The following ENTPD1 variants were observed in gnomAD, a reference collection of about 807,000 sequenced individuals.
The protein encoded by ENTPD1 is ATP diphosphohydrolase.
A neutral mutation model predicts 57.0 loss-of-function variants in ENTPD1; 33 were observed. The observed-to-expected ratio is 0.58, with a 90% CI of 0.44 to 0.77. The LOEUF is 0.77. ENTPD1 is among the 30% of genes least tolerant of loss of function. The pLI, the probability that ENTPD1 is intolerant of heterozygous loss-of-function variation, is 0.00. For missense variants in ENTPD1, 501 were observed against 603.4 expected (o/e 0.83, Z 1.78); for synonymous variants, 202 against 218.8 (o/e 0.92, Z 0.68).
At chr10:95,829,667 C>T (rs1726962799) in intron 2 of ENTPD1, among the ~76,000 whole-genome samples, 1 of 151,974 alleles carries the variant, frequency 6.6e-6, no homozygotes. Flanking sequence ...CTATGGAAGC[C>T]CAGAGAAAGA....
intron 1 of ENTPD1, among the ~76,000 whole-genome samples, chr10:95,736,827 AC>A (rs1220417393): frequency 1.3e-5 from 2 of 152,182 alleles, no homozygotes; most frequent in Non-Finnish European, 2.9e-5. Flanking sequence ...AAAAATATAA[AC>A]TTCAGCTCTT....
At chr10:95,785,925 G>A (rs1251276689) in intron 1 of ENTPD1, among the ~76,000 whole-genome samples, 2 of 152,188 alleles carry the variant, frequency 1.3e-5, no homozygotes, top group Non-Finnish European at 2.9e-5. Flanking sequence ...TAACAAATGG[G>A]GAAGAGGATG....
intron 9 of ENTPD1, 23 bp downstream of exon 9, chr10:95,864,884 T>TG: frequency 6.3e-7 from 1 of 1,591,434 alleles, no homozygotes; most frequent in Non-Finnish European, 8.6e-7. Context: ...CCTGTTGGGC[T>TG]GGGGGGAGGT....
At position 95,868,480 on chromosome 10, in the gene ENTPD1, T is replaced by G; in HGVS notation, c.*2097T>G. On this transcript the variant is annotated 3_prime_UTR_variant, in exon 10 of 10. Transcript: ENST00000371205. ...CTAATTTTAATGTTTGCTCACAGCA[T>G]AGTAGATTGACATCAAATAGTGGCC... 1.3e-5 allele frequency: 13 copies of G among 985,440 alleles called. No homozygotes were observed. The highest frequency in any genetic ancestry group is 1.6e-5 in the Non-Finnish European group (13 of 829,930). The allele number at this position is 985,440 out of a possible 1,614,324, so 61.0% of individuals were successfully genotyped here.
chr10:95,762,470 A>G (rs1335410830), intron 1 of ENTPD1, among the ~76,000 whole-genome samples: 2 of 150,842 alleles, frequency 1.3e-5, no homozygotes, highest in African/African-American at 4.9e-5. Context: ...AAAAGTTATG[A>G]GATGGCACCA....
intron 1 of ENTPD1, among the ~76,000 whole-genome samples, chr10:95,779,224 AT>A (rs1555285586): frequency 2.0e-5 from 3 of 152,114 alleles, no homozygotes; most frequent in Non-Finnish European, 4.4e-5. Context: ...ATCCTCTCCC[AT>A]TTCTACATCT....
At chr10:95,719,915 G>A (rs1043881952) in intron 1 of ENTPD1, among the ~76,000 whole-genome samples, 1 of 152,188 alleles carries the variant, frequency 6.6e-6, no homozygotes, top group Admixed American at 6.5e-5. Flanking sequence ...GCATCCTTAA[G>A]GTCCAGGACT....
the ENTPD1 span, among the ~76,000 whole-genome samples, chr10:95,699,567 C>T: frequency 6.6e-6 from 1 of 151,566 alleles, no homozygotes; most frequent in African/African-American, 2.4e-5. Context: ...TTGATTGTGC[C>T]ACTGCACTCC....
chr10:95,722,200 A>G (rs1454605503), intron 1 of ENTPD1, among the ~76,000 whole-genome samples: 1 of 151,680 alleles, frequency 6.6e-6, no homozygotes, highest in Non-Finnish European at 1.5e-5. Context: ...TGCTTCCACA[A>G]GAGTCTCCCT....
intron 7 of ENTPD1, 48 bp downstream of exon 7, chr10:95,847,754 T>C (rs544679882): frequency 3.1e-6 from 5 of 1,612,432 alleles, no homozygotes; most frequent in South Asian, 2.2e-5. Flanking sequence ...TTACAAGTTA[T>C]AGAATATGTG....
rs1405841549 is a variant in ENTPD1, at chr10:95,875,933, G to A, written c.*9550G>A. 2.0e-6 allele frequency: 2 copies of A among 981,630 alleles called. No individual in the cohort carries two copies. Among genetic ancestry groups the A allele is most frequent in the Non-Finnish European group, 2.4e-6 (2 of 826,528 alleles). 60.8% of individuals were successfully genotyped at this position (981,630 alleles called of 1,614,324 possible). A position where few individuals can be genotyped will look rare whatever the true frequency, so the allele number is the denominator to read the frequency against. ...AATTCTGGAAGGTACAATTCAAGTT[G>A]AGATTTGGGTGGGGACACAGCCAAA... On this transcript the variant is annotated 3_prime_UTR_variant, in exon 10 of 10. Coordinates refer to ENST00000371205, the MANE Select transcript of ENTPD1 (RefSeq NM_001776.6).
In ENTPD1 at chr10:95,731,868, C is replaced by T. The variant is rs369429729; in HGVS notation, c.37+19875C>T. The stretch of plus-strand genomic sequence containing the variant: ...TGTGATCTCGGCTCACTGCAACCTC[C>T]GCCTCCTGGGTTCAAGCTATTCTGA... On this transcript the variant is annotated intron_variant, in intron 1 of 9. Coordinates refer to the ENTPD1 transcript ENST00000453258. Among the ~76,000 whole-genome samples, 121 of 137,058 alleles carry T rather than the reference C, an allele frequency of 8.8e-4. 2 individuals carry two copies. In the South Asian group the frequency reaches 0.026, roughly 30 times the overall value. The allele number at this position is 137,058 out of a possible 152,430, so 89.9% of individuals were successfully genotyped here. A position where few individuals can be genotyped will look rare whatever the true frequency, so the allele number is the denominator to read the frequency against.
chr10:95,767,797 G>T (rs1183186570), intron 1 of ENTPD1, among the ~76,000 whole-genome samples: 1 of 152,122 alleles, frequency 6.6e-6, no homozygotes, highest in African/African-American at 2.4e-5. Context: ...GAAGTTTGAT[G>T]CTGTAAAGAA....
chr10:95,786,282 G>C (rs1204675466), intron 1 of ENTPD1, among the ~76,000 whole-genome samples: 1 of 152,104 alleles, frequency 6.6e-6, no homozygotes, highest in Non-Finnish European at 1.5e-5. Context: ...AGCTTCCTTT[G>C]ACTTTAAGGC....
At chr10:95,694,321 G>A in the ENTPD1 span, among the ~76,000 whole-genome samples, 4 of 152,100 alleles carry the variant, frequency 2.6e-5, no homozygotes, top group African/African-American at 9.6e-5. Context: ...GATTCCAACG[G>A]TGAGAAACCC....
At chr10:95,705,232 A>G in the ENTPD1 span, among the ~76,000 whole-genome samples, 5,122 of 152,068 alleles carry the variant, frequency 0.034, 119 homozygotes, top group Non-Finnish European at 0.049. Flanking sequence ...TACATACCCT[A>G]TGACCCAGCA....
At chr10:95,735,933 G>T (rs1004179490) in intron 1 of ENTPD1, among the ~76,000 whole-genome samples, 4 of 151,710 alleles carry the variant, frequency 2.6e-5, no homozygotes, top group Admixed American at 6.6e-5. Context: ...GCCTGTTTTA[G>T]CTGAACAATG....
chr10:95,732,151 A>T (rs1048249973), intron 1 of ENTPD1, among the ~76,000 whole-genome samples: 1 of 152,164 alleles, frequency 6.6e-6, no homozygotes, highest in Admixed American at 6.5e-5. Flanking sequence ...GAGACACATG[A>T]GATAATTAAA....
At position 95,783,688 on chromosome 10, in the gene ENTPD1, T is replaced by G. The variant is rs998401413; in HGVS notation, c.16+27433T>G. On this transcript the variant is annotated intron_variant, in intron 1 of 9. Coordinates refer to ENST00000371205, the MANE Select transcript of ENTPD1 (RefSeq NM_001776.6). ...AATTTTGGCTAAGTAGCATTAGGCCTGCTCTATTTCACAGGTAGGCATAAA... is the reference window on the plus strand; with the variant it reads ...AATTTTGGCTAAGTAGCATTAGGCCGGCTCTATTTCACAGGTAGGCATAAA... 5.9e-5 allele frequency among the ~76,000 whole-genome samples: 9 copies of G among 151,624 alleles called. No individual in the cohort carries two copies. The East Asian group carries it at 1.7e-3, about 29-fold the overall frequency.
Sources: gnomAD v4.1 joint callset for allele counts (sites outside exome capture counted in the v4.1 genomes callset) on GRCh38, gnomAD v4.1.1 for gene constraint, MANE v1.5 for transcripts, NCBI Gene and HGNC (gene_info 2026-07-23, HGNC 2026-07-21) for gene names.